MALRD1: variants seen among roughly 807,000 people sequenced by gnomAD.
MALRD1 encodes MAM and LDL receptor class A domain containing 1, also known as MAM and LDL-receptor class A domain-containing protein 1.
MALRD1 carries 247 observed loss-of-function variants against 242.1 expected under a neutral mutation model. The observed-to-expected ratio is 1.02, with a 90% CI of 0.92 to 1.13. MALRD1 has a LOEUF of 1.13. Among genes scored for constraint, MALRD1 ranks in the 50% most tolerant of loss-of-function variants. MALRD1 has a pLI of 0.00. For missense variants in MALRD1, 2,989 were observed against 2,533.1 expected, an observed-to-expected ratio of 1.18 and a Z score of -3.86; for synonymous variants, 995 against 866.6, an observed-to-expected ratio of 1.15 and a Z score of -2.60.
intron 26 of MALRD1, among the ~76,000 whole-genome samples, chr10:19,373,904 A>G (rs1469155525): frequency 6.6e-6 from 1 of 152,192 alleles, no homozygotes; most frequent in Non-Finnish European, 1.5e-5. Flanking sequence ...TATCAATTCA[A>G]AACAATTTGT....
At chr10:19,296,297 GA>G (rs1564539082) in intron 21 of MALRD1, among the ~76,000 whole-genome samples, 2 of 152,042 alleles carry the variant, frequency 1.3e-5, no homozygotes, top group Non-Finnish European at 2.9e-5. Flanking sequence ...TCCTCTGCCA[GA>G]ATTACAGTCC....
intron 28 of MALRD1, among the ~76,000 whole-genome samples, chr10:19,442,214 C>T (rs1036192173): frequency 1.6e-4 from 24 of 152,170 alleles, no homozygotes; most frequent in Admixed American, 1.6e-3. Context: ...AGTTGCTTAT[C>T]AGCTTAAGGA....
intron 31 of MALRD1, among the ~76,000 whole-genome samples, chr10:19,502,908 T>A (rs945472127): frequency 4.9e-5 from 7 of 142,760 alleles, no homozygotes; most frequent in Non-Finnish European, 9.1e-5. Flanking sequence ...TGATACCTTT[T>A]AATGGAAACA....
chr10:19,307,734 A>G (rs1842275200), intron 21 of MALRD1, among the ~76,000 whole-genome samples: 2 of 151,548 alleles, frequency 1.3e-5, no homozygotes, highest in Non-Finnish European at 3.0e-5. Context: ...TGGGTTTGGA[A>G]TGAAAAAAAT....
chr10:19,203,589 T>G lies in MALRD1; in HGVS notation c.1952-139T>G, dbSNP rs1370826418. On this transcript the variant is annotated intron_variant, in intron 14 of 39. Transcript: ENST00000454679. Reference sequence around the variant, plus strand: ...TTTGCAAATGAGAAAGGATCTTTTTTATTTTCTGAAATGTGTCCCTCATTG... The same window carrying G: ...TTTGCAAATGAGAAAGGATCTTTTTGATTTTCTGAAATGTGTCCCTCATTG... 7 of 808,218 alleles carry G rather than the reference T, an allele frequency of 8.7e-6. No individual in the cohort carries two copies. The African/African-American group carries it at 1.2e-4, about 14-fold the overall frequency. 50.1% of individuals were successfully genotyped at this position (808,218 alleles called of 1,614,324 possible). A position where few individuals can be genotyped will look rare whatever the true frequency, so the allele number is the denominator to read the frequency against.
At chr10:19,626,249 A>AT (rs755469952) in intron 36 of MALRD1, among the ~76,000 whole-genome samples, 6 of 147,876 alleles carry the variant, frequency 4.1e-5, no homozygotes, top group Non-Finnish European at 9.0e-5. Flanking sequence ...AAATTTCAAT[A>AT]TTTTTTCTGT....
intron 33 of MALRD1, among the ~76,000 whole-genome samples, chr10:19,579,876 G>A (rs1273730868): frequency 1.3e-5 from 2 of 152,210 alleles, no homozygotes; most frequent in Non-Finnish European, 2.9e-5. Context: ...GAAGTCAGGA[G>A]TTGAGGATTT....
At chr10:19,503,899 C>CTG (rs10685310) in intron 31 of MALRD1, among the ~76,000 whole-genome samples, 44,974 of 151,842 alleles carry the variant, frequency 0.3, 8,766 homozygotes, top group African/African-American at 0.56. Flanking sequence ...GTGCTGGGAA[C>CTG]AGAATATGAA....
chr10:19,235,615 C>CGA (rs1381689915), intron 18 of MALRD1, among the ~76,000 whole-genome samples: 12 of 44,354 alleles, frequency 2.7e-4, no homozygotes, highest in African/African-American at 1.1e-3. Flanking sequence ...AGAGAGAGAG[C>CGA]GCCTAGGTAA....
intron 21 of MALRD1, among the ~76,000 whole-genome samples, chr10:19,321,532 A>C (rs889646417): frequency 6.6e-6 from 1 of 152,210 alleles, no homozygotes; most frequent in Non-Finnish European, 1.5e-5. Flanking sequence ...TCCAGAGTAC[A>C]TGTGATAATT....
At chr10:19,588,037 T>C (rs928864612) in intron 33 of MALRD1, among the ~76,000 whole-genome samples, 5 of 152,096 alleles carry the variant, frequency 3.3e-5, no homozygotes, top group Admixed American at 1.3e-4. Context: ...AAGTCCTTTA[T>C]GTAAAATCAC....
chr10:19,227,748 CTAAA>C (rs1191343228), intron 18 of MALRD1, among the ~76,000 whole-genome samples: 1 of 151,936 alleles, frequency 6.6e-6, no homozygotes, highest in Non-Finnish European at 1.5e-5. Flanking sequence ...AACTAAAAAA[CTAAA>C]TAACAAAACA....
At chr10:19,278,494 C>T (rs1432540431) in intron 19 of MALRD1, among the ~76,000 whole-genome samples, 1 of 145,148 alleles carries the variant, frequency 6.9e-6, no homozygotes, top group Non-Finnish European at 1.5e-5. Context: ...TCTATCCATC[C>T]ATCCATCTGT....
At chr10:19,369,179 ATATAT>A (rs5783671) in intron 26 of MALRD1, among the ~76,000 whole-genome samples, 84,414 of 143,390 alleles carry the variant, frequency 0.59, 24,941 homozygotes, top group African/African-American at 0.62. Flanking sequence ...ATATAAACTA[ATATAT>A]TATATATAAG....
chr10:19,314,306 G>C (rs957836531), intron 21 of MALRD1, among the ~76,000 whole-genome samples: 5 of 151,554 alleles, frequency 3.3e-5, no homozygotes, highest in African/African-American at 1.2e-4. Context: ...AAGAAATCTT[G>C]AGTTTAGAAA....
Position 19,688,987 on chromosome 10 carries a change from TGAAGAGGAAAGAA to T in MALRD1, c.6138-3281_6138-3269del, listed in dbSNP as rs375501496. Among the ~76,000 whole-genome samples, 32 of 151,926 alleles carry T rather than the reference TGAAGAGGAAAGAA, an allele frequency of 2.1e-4. 1 individual carries two copies. The highest frequency in any genetic ancestry group is 6.8e-4 in the African/African-American group (28 of 41,424). The stretch of plus-strand genomic sequence containing the variant: ...CCCCCTCCACCTTTATACACTGGGG[TGAAGAGGAAAGAA>T]GAAGAGGAAAGAAAAGCAACAGCAA... On this transcript the variant is annotated intron_variant, in intron 36 of 39. Coordinates refer to ENST00000454679, the MANE Select transcript of MALRD1 (RefSeq NM_001142308.3).
chr10:19,605,549 G>A (rs1589297822), intron 34 of MALRD1, among the ~76,000 whole-genome samples: 2 of 147,324 alleles, frequency 1.4e-5, no homozygotes, highest in Non-Finnish European at 3.0e-5. Flanking sequence ...AGTCAAAAGC[G>A]ACCTGCTGTA....
chr10:19,450,577 T>G, intron 29 of MALRD1, 87 bp downstream of exon 29: 1 of 1,180,106 alleles, frequency 8.5e-7, no homozygotes, highest in Non-Finnish European at 1.2e-6. Context: ...AATGCTTTAC[T>G]GTTATGTATT....
chr10:19,511,123 C>T (rs1833383850), intron 31 of MALRD1, among the ~76,000 whole-genome samples: 1 of 152,064 alleles, frequency 6.6e-6, no homozygotes. Context: ...TTATGCCAAG[C>T]CAGGAAAGGA....
Sources: gnomAD v4.1 joint callset for allele counts (sites outside exome capture counted in the v4.1 genomes callset) on GRCh38, gnomAD v4.1.1 for gene constraint, MANE v1.5 for transcripts, NCBI Gene and HGNC (gene_info 2026-07-23, HGNC 2026-07-21) for gene names.